The following ALPK3 variants were observed in gnomAD, a reference collection of about 807,000 sequenced individuals.
The protein encoded by ALPK3 is alpha kinase 3, also known as alpha-protein kinase 3.
A neutral mutation model predicts 140.0 loss-of-function variants in ALPK3; 102 were observed. The ratio of observed to expected loss-of-function variants is 0.73; its 90% CI spans 0.62 to 0.86. The LOEUF (loss-of-function observed/expected upper bound fraction) is 0.86, where lower values mean the gene tolerates loss of function less well. Among genes scored for constraint, ALPK3 ranks in the 40% least tolerant of loss-of-function variants. The pLI is 0.00. For synonymous variants in ALPK3, 938 were observed against 898.5 expected, an observed-to-expected ratio of 1.04 and a Z score of -0.79; for missense variants, 2,254 against 2,208.2, an observed-to-expected ratio of 1.02 and a Z score of -0.42.
At chr15:84,844,599 G>A (rs1230839932) in intron 5 of ALPK3, among the ~76,000 whole-genome samples, 2 of 152,234 alleles carry the variant, frequency 1.3e-5, no homozygotes, top group African/African-American at 2.4e-5. Context: ...GTTCACGCCT[G>A]TAATCCCAGC....
chr15:84,835,407 C>T (rs1478913654), intron 3 of ALPK3, among the ~76,000 whole-genome samples: 1 of 152,172 alleles, frequency 6.6e-6, no homozygotes, highest in African/African-American at 2.4e-5. Context: ...CCCTCCCCCT[C>T]TCATGTTGGG....
intron 1 of ALPK3, among the ~76,000 whole-genome samples, chr15:84,820,594 C>A (rs1963410862): frequency 1.3e-5 from 2 of 152,048 alleles, no homozygotes; most frequent in South Asian, 4.1e-4. Flanking sequence ...GATCTTCCTG[C>A]CTCAACCTCC....
At position 84,839,724 on chromosome 15, in the gene ALPK3, A is replaced by G; in HGVS notation, c.445A>G (p.Ile149Val). The G allele has an allele frequency of 6.2e-7, 1 of 1,607,182 alleles. No homozygotes were observed. Among genetic ancestry groups the G allele is most frequent in the South Asian group, 1.1e-5 (1 of 90,768 alleles). ...TAGGTGTCGAGAAGAAGATGCCGCC[A>G]TCTACCAGGCCTCTGCCCAGAACAG... ...LYRCREEDAA[I>V]YQASAQNSKG... The change falls in exon 5 of 14, where the codon ATC becomes GTC. Residue 149 changes from isoleucine to valine, a missense_variant. Physicochemically the swap from Ile to Val is conservative, Grantham distance 29. This residue lies in a region of ALPK3 where 2,088 missense variants were observed against 2,022.9 expected (regional missense o/e 1.03). Coordinates refer to ENST00000258888, the MANE Select transcript of ALPK3 (RefSeq NM_020778.5).
intron 3 of ALPK3, among the ~76,000 whole-genome samples, 160 bp from the exon 4 acceptor site, chr15:84,838,820 C>T (rs983808385): frequency 1.3e-5 from 2 of 151,972 alleles, no homozygotes; most frequent in African/African-American, 4.8e-5. Context: ...CTGGGTTTTA[C>T]CATGTTGACC....
At chr15:84,832,122 C>A (rs1354416413) in intron 3 of ALPK3, among the ~76,000 whole-genome samples, 1 of 152,080 alleles carries the variant, frequency 6.6e-6, no homozygotes. Context: ...TTGAAGGGTT[C>A]CAAAGATTTA....
In ALPK3 at chr15:84,857,204, G is replaced by T. The variant is rs1963874697; in HGVS notation, c.2466G>T (p.Gln822His). The T allele has an allele frequency of 1.2e-6, 2 of 1,614,076 alleles. No homozygotes were observed. Among genetic ancestry groups the T allele is most frequent in the Non-Finnish European group, 1.7e-6 (2 of 1,179,970 alleles). Residue 822 changes from glutamine (Q) to histidine (H), a missense_variant, in exon 6 of 14, where the codon CAG becomes CAT. Coordinates refer to ENST00000258888, the MANE Select transcript of ALPK3 (RefSeq NM_020778.5). ...GAGGAGAGAGATGCCGAGGGCCACA[G>T]TCATCAGGCCCAGTCGAGGCCAAGC... is the stretch of plus-strand genomic sequence containing the variant. Reference protein sequence around the residue: ...QVGGERCRGPQSSGPVEAKQE... With the variant: ...QVGGERCRGPHSSGPVEAKQE...
At chr15:84,867,073 G>C (rs1028796212) in intron 12 of ALPK3, among the ~76,000 whole-genome samples, 2 of 151,940 alleles carry the variant, frequency 1.3e-5, no homozygotes, top group Non-Finnish European at 2.9e-5. Flanking sequence ...ATTATTCCTA[G>C]TAATAATCCA....
rs57146667 is a variant in ALPK3, at chr15:84,836,769, A to T, written c.305-2211A>T. Among the ~76,000 whole-genome samples, 1,477 of 152,316 alleles carry T rather than the reference A, an allele frequency of 9.7e-3. 25 individuals are homozygous for T. The highest frequency in any genetic ancestry group is 0.034 in the African/African-American group (1,416 of 41,552). The stretch of plus-strand genomic sequence containing the variant: ...GCTGGAGATAGAAATTTGGGAGTCC[A>T]TGAGCATACATATATTTGAAAGCCA... On this transcript the variant is annotated intron_variant, in intron 3 of 13. Coordinates refer to ENST00000258888, the MANE Select transcript of ALPK3 (RefSeq NM_020778.5).
chr15:84,859,424 C>T (rs750548342), intron 7 of ALPK3, 34 bp downstream of exon 7: 1 of 1,611,722 alleles, frequency 6.2e-7, no homozygotes, highest in East Asian at 2.2e-5. Flanking sequence ...CCTGACCTGG[C>T]TCCCTGATTG....
At chr15:84,860,631 G>A (rs1002848962) in intron 9 of ALPK3, among the ~76,000 whole-genome samples, 1 of 152,220 alleles carries the variant, frequency 6.6e-6, no homozygotes, top group Admixed American at 6.5e-5. Context: ...GACTGTGAAG[G>A]CAGCCAGTGA....
At chr15:84,861,320 A>C (rs1490461679) in intron 9 of ALPK3, among the ~76,000 whole-genome samples, 2 of 151,994 alleles carry the variant, frequency 1.3e-5, no homozygotes, top group Non-Finnish European at 2.9e-5. Flanking sequence ...GCTTCTTCCA[A>C]ATTGGTAATC....
At chr15:84,836,824 G>C (rs1415984847) in intron 3 of ALPK3, among the ~76,000 whole-genome samples, 1 of 152,188 alleles carries the variant, frequency 6.6e-6, no homozygotes, top group Non-Finnish European at 1.5e-5. Flanking sequence ...CCTGGGTTGT[G>C]AGTATGGATA....
chr15:84,830,742 G>A (rs552402326), intron 3 of ALPK3, among the ~76,000 whole-genome samples: 25 of 152,246 alleles, frequency 1.6e-4, no homozygotes, highest in African/African-American at 4.3e-4. Flanking sequence ...CTGTCACCCC[G>A]GCTGGAGTGC....
At chr15:84,820,186 G>A (rs528634708) in intron 1 of ALPK3, among the ~76,000 whole-genome samples, 11 of 152,246 alleles carry the variant, frequency 7.2e-5, no homozygotes, top group Non-Finnish European at 1.6e-4. Flanking sequence ...GGGACACTCA[G>A]AAGTTCCAGA....
intron 3 of ALPK3, among the ~76,000 whole-genome samples, chr15:84,831,505 T>C (rs1355313452): frequency 6.6e-6 from 1 of 152,168 alleles, no homozygotes; most frequent in Non-Finnish European, 1.5e-5. Context: ...TTTCCAAGGG[T>C]TTTAATTTTT....
In ALPK3 at chr15:84,872,852, A is replaced by G. The variant is rs1964089838; in HGVS notation, c.*4396A>G. The G allele has an allele frequency of 6.6e-6, 1 of 152,218 alleles. No homozygotes were observed. The highest frequency in any genetic ancestry group is 6.5e-5 in the Admixed American group (1 of 15,280). The allele number at this position is 152,218 out of a possible 1,614,324, so 9.4% of individuals were successfully genotyped here. A position where few individuals can be genotyped will look rare whatever the true frequency, so the allele number is the denominator to read the frequency against. On this transcript the variant is annotated 3_prime_UTR_variant, in exon 14 of 14. Coordinates refer to ENST00000258888, the MANE Select transcript of ALPK3 (RefSeq NM_020778.5). ...GTTAAAATAAGTTTTTCCTTCAAAA[A>G]TACATTTGACTTCCTCTCCATTTAA...
At position 84,871,145 on chromosome 15, in the gene ALPK3, G is replaced by A. The variant is rs527924313; in HGVS notation, c.*2689G>A. The stretch of plus-strand genomic sequence containing the variant: ...TAACCCAGCAAGAATGGAAGAATGG[G>A]TAAAGTCTACAGTCCATTTCTAGAA... On this transcript the variant is annotated 3_prime_UTR_variant, in exon 14 of 14. Coordinates refer to ENST00000258888, the MANE Select transcript of ALPK3 (RefSeq NM_020778.5). 1 of 152,722 alleles carries A rather than the reference G, an allele frequency of 6.5e-6. No individual in the cohort carries two copies. The highest frequency in any genetic ancestry group is 6.5e-5 in the Admixed American group (1 of 15,302). The allele number at this position is 152,722 out of a possible 1,614,324, so 9.5% of individuals were successfully genotyped here. A position where few individuals can be genotyped will look rare whatever the true frequency, so the allele number is the denominator to read the frequency against.
chr15:84,834,177 G>A (rs1324708606), intron 3 of ALPK3, among the ~76,000 whole-genome samples: 1 of 152,146 alleles, frequency 6.6e-6, no homozygotes, highest in East Asian at 1.9e-4. Flanking sequence ...AACCCCAGTG[G>A]AAAGAGTACT....
rs1306312501 is a variant in ALPK3, at chr15:84,840,891, A to C, written c.1612A>C (p.Ser538Arg). 6.2e-7 allele frequency: 1 copy of C among 1,611,696 alleles called. No homozygotes were observed. The highest frequency in any genetic ancestry group is 8.5e-7 in the Non-Finnish European group (1 of 1,179,088). Residue 538 changes from serine to arginine, a missense_variant, in exon 5 of 14, where the codon AGC becomes CGC. Physicochemically the swap from Ser to Arg is moderately radical, Grantham distance 110. Around this residue, in one of 3 missense-constraint regions of ALPK3, gnomAD observed 2,088 missense variants for 2,022.9 expected, o/e 1.03. Transcript: ENST00000258888. ...PARRRHGTRD[S>R]TLQGQAGHRT... ...CCGGCGGAGACATGGCACCCGGGAC[A>C]GCACGTTGCAGGGGCAAGCAGGCCA...
Sources: gnomAD v4.1 joint callset for allele counts (sites outside exome capture counted in the v4.1 genomes callset) on GRCh38, gnomAD v4.1.1 for gene constraint, gnomAD v4.1.1 regional missense constraint, MANE v1.5 for transcripts, NCBI Gene and HGNC (gene_info 2026-07-23, HGNC 2026-07-21) for gene names.